Variants in PDE4B observed in about 807,000 individuals in gnomAD.
The protein encoded by PDE4B is phosphodiesterase 4B, also known as 3',5'-cyclic-AMP phosphodiesterase 4B.
PDE4B carries 20 observed loss-of-function variants against 82.2 expected under a neutral mutation model. That is an observed-to-expected ratio of 0.24 (90% confidence interval 0.17 to 0.35). PDE4B has a LOEUF of 0.35. PDE4B is among the 10% of genes least tolerant of loss of function. The pLI is 1.00. For synonymous variants in PDE4B, 320 were observed against 318.9 expected (o/e 1.00, Z -0.04); for missense variants, 655 against 907.2 (o/e 0.72, Z 3.57).
chr1:65,981,289 G>A lies in PDE4B; in HGVS notation c.281+62454G>A, dbSNP rs1008126776. Among the ~76,000 whole-genome samples, 8 of 152,226 alleles carry A rather than the reference G, an allele frequency of 5.3e-5. No individual in the cohort carries two copies. In the East Asian group the frequency reaches 7.7e-4, roughly 15 times the overall value. ...CAAATGAGTGAACATGCCAAGGTAC[G>A]TTAAACTAATATACTTTCTTCCAAA... On this transcript the variant is annotated intron_variant, in intron 3 of 16. Coordinates refer to ENST00000341517, the MANE Select transcript of PDE4B (RefSeq NM_002600.4).
chr1:66,294,974 T>C (rs1193830867), intron 7 of PDE4B, among the ~76,000 whole-genome samples: 2 of 152,204 alleles, frequency 1.3e-5, no homozygotes, highest in Admixed American at 1.3e-4. Context: ...CCAGACTTTG[T>C]TGAAATCATT....
chr1:66,041,916 T>C (rs1175870776), intron 3 of PDE4B, among the ~76,000 whole-genome samples: 2 of 151,344 alleles, frequency 1.3e-5, no homozygotes, highest in Admixed American at 6.6e-5. Context: ...AAAGAATAAA[T>C]GAATATATGA....
intron 1 of PDE4B, among the ~76,000 whole-genome samples, chr1:65,909,624 A>G (rs981047558): frequency 6.6e-6 from 1 of 152,214 alleles, no homozygotes; most frequent in Non-Finnish European, 1.5e-5. Context: ...AGGGAAAACT[A>G]TTAAACATAT....
chr1:66,077,594 T>C (rs1500955), intron 3 of PDE4B, among the ~76,000 whole-genome samples: 15,639 of 152,190 alleles, frequency 0.1, 953 homozygotes, highest in South Asian at 0.22. Context: ...GAATGAATGG[T>C]ATACTGCCCT....
intron 7 of PDE4B, among the ~76,000 whole-genome samples, chr1:66,279,821 A>C (rs1042671334): frequency 5.9e-5 from 9 of 152,180 alleles, no homozygotes; most frequent in African/African-American, 2.2e-4. Context: ...TTTTCCAGGA[A>C]GCCACAGTTT....
chr1:66,148,730 G>A (rs1314266908), intron 3 of PDE4B, among the ~76,000 whole-genome samples: 1 of 151,930 alleles, frequency 6.6e-6, no homozygotes, highest in Non-Finnish European at 1.5e-5. Context: ...TGCCTATTCT[G>A]GATATTTCAA....
intron 1 of PDE4B, among the ~76,000 whole-genome samples, chr1:65,854,346 A>T (rs979381052): frequency 5.0e-4 from 76 of 151,614 alleles, no homozygotes; most frequent in African/African-American, 1.8e-3. Flanking sequence ...CAAGCTCTTC[A>T]TTCTTTTTTT....
At chr1:65,880,265 T>TTA (rs1438208118) in intron 1 of PDE4B, among the ~76,000 whole-genome samples, 1 of 152,190 alleles carries the variant, frequency 6.6e-6, no homozygotes, top group Non-Finnish European at 1.5e-5. Context: ...TAGACAAGGG[T>TTA]GATTCATACC....
intron 1 of PDE4B, among the ~76,000 whole-genome samples, chr1:65,875,305 G>A (rs1418559694): frequency 3.3e-5 from 5 of 149,932 alleles, no homozygotes; most frequent in African/African-American, 7.3e-5. Context: ...GAAACAACAG[G>A]TGCTGGAGAG....
At position 65,943,252 on chromosome 1, in the gene PDE4B, C is replaced by T. The variant is rs553622836; in HGVS notation, c.281+24417C>T. 1.4e-4 allele frequency among the ~76,000 whole-genome samples: 22 copies of T among 151,832 alleles called. No individual in the cohort carries two copies. The East Asian group carries it at 4.1e-3, about 28-fold the overall frequency. ...TGTGAATATCTAGTTTTGCCAACAT[C>T]GTTTATTAACGAATATTCTCATTGT... On this transcript the variant is annotated intron_variant, in intron 3 of 16. Coordinates refer to ENST00000341517, the MANE Select transcript of PDE4B (RefSeq NM_002600.4).
At chr1:66,024,845 T>C (rs1189576830) in intron 3 of PDE4B, among the ~76,000 whole-genome samples, 1 of 152,162 alleles carries the variant, frequency 6.6e-6, no homozygotes, top group African/African-American at 2.4e-5. Flanking sequence ...AGAATGGTGA[T>C]GTATTTTATT....
At chr1:65,836,034 C>T (rs532522714) in intron 1 of PDE4B, among the ~76,000 whole-genome samples, 3 of 152,142 alleles carry the variant, frequency 2.0e-5, no homozygotes, top group East Asian at 1.9e-4. Flanking sequence ...CTCCGCCTCC[C>T]GGGTTCAAGC....
intron 3 of PDE4B, among the ~76,000 whole-genome samples, chr1:65,926,648 C>T (rs1488609275): frequency 6.6e-6 from 1 of 152,182 alleles, no homozygotes; most frequent in Non-Finnish European, 1.5e-5. Context: ...ATAGTTTAAA[C>T]TGAATCTTGT....
At chr1:66,309,089 T>G (rs911862944) in intron 7 of PDE4B, among the ~76,000 whole-genome samples, 3 of 152,226 alleles carry the variant, frequency 2.0e-5, no homozygotes, top group African/African-American at 7.2e-5. Context: ...TGTTTGGAAC[T>G]TCAGGATTCA....
chr1:66,336,069 CA>C (rs781254270), intron 8 of PDE4B, among the ~76,000 whole-genome samples: 2 of 152,194 alleles, frequency 1.3e-5, no homozygotes, highest in Non-Finnish European at 2.9e-5. Context: ...ATAGCCTCAG[CA>C]GGGTCCCCAG....
At chr1:66,329,238 A>G (rs1040563648) in intron 7 of PDE4B, among the ~76,000 whole-genome samples, 1 of 152,196 alleles carries the variant, frequency 6.6e-6, no homozygotes, top group Non-Finnish European at 1.5e-5. Flanking sequence ...TAATTGTGAC[A>G]AGTGTACCAT....
chr1:66,282,703 C>T (rs1305920484), intron 7 of PDE4B, among the ~76,000 whole-genome samples: 1 of 152,154 alleles, frequency 6.6e-6, no homozygotes, highest in Admixed American at 6.5e-5. Flanking sequence ...GAAGTAAATC[C>T]TTTAACCTTT....
Position 65,887,481 on chromosome 1 carries a change from A to T in PDE4B, c.-70-25764A>T, listed in dbSNP as rs561700639. ...CACCCTGGCTGGAGTACAGTGGTGC[A>T]ATCTTGGCTCACTGCAGCCTCTGCC... is the stretch of plus-strand genomic sequence containing the variant. On this transcript the variant is annotated intron_variant, in intron 1 of 16. Transcript: ENST00000341517. 1.3e-3 allele frequency among the ~76,000 whole-genome samples: 145 copies of T among 115,774 alleles called. 1 individual carries two copies. The Admixed American group carries it at 0.015, about 12-fold the overall frequency. 76.0% of individuals were successfully genotyped at this position (115,774 alleles called of 152,430 possible). A position where few individuals can be genotyped will look rare whatever the true frequency, so the allele number is the denominator to read the frequency against.
At chr1:65,839,345 G>C (rs1054773766) in intron 1 of PDE4B, among the ~76,000 whole-genome samples, 1 of 151,534 alleles carries the variant, frequency 6.6e-6, no homozygotes, top group Non-Finnish European at 1.5e-5. Context: ...AGGTATACAT[G>C]TGCCATGGTG....
Sources: allele counts gnomAD v4.1 joint callset (sites outside exome capture counted in the v4.1 genomes callset), GRCh38; gene constraint gnomAD v4.1.1; transcripts MANE v1.5; gene names NCBI Gene and HGNC (gene_info 2026-07-23, HGNC 2026-07-21).